The following SLC3A1 variants were observed in gnomAD, a reference collection of about 807,000 sequenced individuals.
SLC3A1 encodes solute carrier family 3 member 1, also known as amino acid transporter heavy chain SLC3A1.
SLC3A1 carries 78 observed loss-of-function variants against 60.3 expected under a neutral mutation model. The ratio of observed to expected loss-of-function variants is 1.29; its 90% CI spans 1.08 to 1.56. The LOEUF (loss-of-function observed/expected upper bound fraction) is 1.56, where lower values mean the gene tolerates loss of function less well. SLC3A1 is among the 40% of genes most tolerant of loss of function. SLC3A1 has a pLI of 0.00. For missense variants in SLC3A1, 1,172 were observed against 858.9 expected (o/e 1.36, Z -4.56); for synonymous variants, 392 against 307.9 (o/e 1.27, Z -2.86).
At position 44,275,783 on chromosome 2, in the gene SLC3A1, G is replaced by A. The variant is rs375663080; in HGVS notation, c.248G>A (p.Arg83His). Residue 83 changes from arginine (R) to histidine (H), a missense_variant, in exon 1 of 10, where the codon CGC becomes CAC. Coordinates refer to ENST00000260649, the MANE Select transcript of SLC3A1 (RefSeq NM_000341.4). Reference sequence around the variant, plus strand: ...CAGTTCTCTGGCCAGGCCCGCTACCGCATACCTCGGGAGATCCTCTTCTGG... The same window carrying A: ...CAGTTCTCTGGCCAGGCCCGCTACCACATACCTCGGGAGATCCTCTTCTGG... ...LFQFSGQARY[R>H]IPREILFWLT... 14 of 1,614,112 alleles carry A rather than the reference G, an allele frequency of 8.7e-6. No homozygotes were observed. Among genetic ancestry groups the A allele is most frequent in the African/African-American group, 2.7e-5 (2 of 74,944 alleles).
At chr2:44,302,489 T>C (rs575845083) in intron 6 of SLC3A1, among the ~76,000 whole-genome samples, 1 of 152,248 alleles carries the variant, frequency 6.6e-6, no homozygotes, top group African/African-American at 2.4e-5. Context: ...ACAAGGAAAC[T>C]GAGGCTCTGA....
chr2:44,285,461 C>A (rs565243346), intron 3 of SLC3A1: 1 of 340,438 alleles, frequency 2.9e-6, no homozygotes, highest in South Asian at 2.4e-5. Flanking sequence ...TACCATGGGG[C>A]CATAAATGTG....
At chr2:44,305,958 A>G (rs1407643930) in intron 7 of SLC3A1, among the ~76,000 whole-genome samples, 1 of 152,040 alleles carries the variant, frequency 6.6e-6, no homozygotes, top group African/African-American at 2.4e-5. Context: ...AGTCCACACA[A>G]TTCCACGATG....
rs541948214 is a variant in SLC3A1, at chr2:44,281,556, G to A, written c.765+15G>A. ...CCAACAACTGGGTAAGTATCAACCT[G>A]TCTGACTTACAAAGGGGTAAAAGGC... On this transcript the variant is annotated intron_variant, in intron 3 of 9. Transcript: ENST00000260649. 729 of 1,613,414 alleles carry A rather than the reference G, an allele frequency of 4.5e-4. 4 individuals carry two copies. The South Asian group carries it at 7.1e-3, about 16-fold the overall frequency.
chr2:44,294,441 G>T (rs1426142090), intron 4 of SLC3A1, among the ~76,000 whole-genome samples: 4 of 150,740 alleles, frequency 2.7e-5, no homozygotes, highest in East Asian at 2.0e-4. Context: ...GGAGGCAAAG[G>T]TTGCAGAGCT....
intron 4 of SLC3A1, among the ~76,000 whole-genome samples, chr2:44,290,486 G>A (rs1300204016): frequency 2.0e-5 from 3 of 152,178 alleles, no homozygotes; most frequent in African/African-American, 7.2e-5. Flanking sequence ...GGTTTTGATA[G>A]GGATTGCATT....
chr2:44,289,079 C>T (rs766940392), intron 4 of SLC3A1, among the ~76,000 whole-genome samples: 26 of 151,998 alleles, frequency 1.7e-4, no homozygotes, highest in Non-Finnish European at 3.2e-4. Flanking sequence ...AAGCAATCCT[C>T]CCTCCTTGGC....
intron 7 of SLC3A1, among the ~76,000 whole-genome samples, chr2:44,307,278 C>T (rs6716849): frequency 0.83 from 125,653 of 152,184 alleles, 52,848 homozygotes; most frequent in African/African-American, 0.9. Context: ...TGGACTATTA[C>T]GAATAGTGAT....
Position 44,275,814 on chromosome 2 carries a change from A to G in SLC3A1, c.279A>G (p.Thr93=), listed in dbSNP as rs1671329865. ...CTCGGGAGATCCTCTTCTGGCTCAC[A>G]GTGGCTTCTGTGCTGGTGCTCATCG... ...RIPREILFWL[T]VASVLVLIAA... Residue 93 remains threonine (T), a synonymous_variant, in exon 1 of 10, where the codon ACA becomes ACG. Coordinates refer to ENST00000260649, the MANE Select transcript of SLC3A1 (RefSeq NM_000341.4). 6.2e-7 allele frequency: 1 copy of G among 1,614,242 alleles called. No homozygotes were observed. Among genetic ancestry groups the G allele is most frequent in the African/African-American group, 1.3e-5 (1 of 75,060 alleles).
chr2:44,278,353 C>T (rs567950276), intron 1 of SLC3A1, among the ~76,000 whole-genome samples: 2 of 152,128 alleles, frequency 1.3e-5, no homozygotes, highest in South Asian at 2.1e-4. Context: ...GTGGCTGAGG[C>T]AGGAGAATGG....
At chr2:44,321,907 G>T, downstream of SLC3A1, 4 of 1,611,382 alleles carry the variant, frequency 2.5e-6, no homozygotes, top group Non-Finnish European at 2.5e-6. Context: ...TAGCCTGGAA[G>T]AGTTAACATG....
downstream of SLC3A1, chr2:44,321,859 C>T (rs1672990329): frequency 1.9e-6 from 3 of 1,613,668 alleles, no homozygotes; most frequent in Non-Finnish European, 2.5e-6. Context: ...ACATGATTGC[C>T]TCCAGGCTGA....
At chr2:44,285,979 T>G (rs1376178240) in intron 3 of SLC3A1, 53 bp from the exon 4 acceptor site, 1 of 1,608,280 alleles carries the variant, frequency 6.2e-7, no homozygotes, top group East Asian at 2.2e-5. Flanking sequence ...TGATCTTTAT[T>G]TGTGGGCAAT....
chr2:44,303,936 T>C (rs954663846), intron 6 of SLC3A1: 18 of 645,738 alleles, frequency 2.8e-5, no homozygotes, highest in Non-Finnish European at 4.8e-5. Flanking sequence ...CTGCATAGTA[T>C]TCCATGGTGT....
rs370110265 is a variant in SLC3A1, at chr2:44,305,920, A to G, written c.1332+1582A>G. ...GTGTCAGGTCTACCTATTGTATACT[A>G]TAGCACCCGTTCATTCTCTTTCCTT... On this transcript the variant is annotated intron_variant, in intron 7 of 9. Coordinates refer to ENST00000260649, the MANE Select transcript of SLC3A1 (RefSeq NM_000341.4). 1.1e-4 allele frequency among the ~76,000 whole-genome samples: 17 copies of G among 152,210 alleles called. No individual in the cohort carries two copies. The South Asian group carries it at 2.3e-3, about 20-fold the overall frequency.
chr2:44,313,822 TC>T lies in SLC3A1; in HGVS notation c.1501-12del. ...CCAAACCACTGTTTTCCCTTTCTGGTCTTTTGACATAGAATACCCTTCGCTC... is the reference window on the plus strand; with the variant it reads ...CCAAACCACTGTTTTCCCTTTCTGGTTTTTGACATAGAATACCCTTCGCTC... On this transcript the variant is annotated splice_polypyrimidine_tract_variant and intron_variant, in intron 8 of 9. Coordinates refer to ENST00000260649, the MANE Select transcript of SLC3A1 (RefSeq NM_000341.4). The T allele has an allele frequency of 6.3e-7, 1 of 1,595,458 alleles. No homozygotes were observed. The highest frequency in any genetic ancestry group is 8.6e-7 in the Non-Finnish European group (1 of 1,162,928).
At chr2:44,293,481 C>T (rs1329452723) in intron 4 of SLC3A1, among the ~76,000 whole-genome samples, 2 of 151,806 alleles carry the variant, frequency 1.3e-5, no homozygotes, top group Admixed American at 6.6e-5. Flanking sequence ...CATGCCACTG[C>T]ACTCCAGCCT....
At chr2:44,320,145 T>A in intron 9 of SLC3A1, 54 bp from the exon 10 acceptor site, 1 of 1,459,106 alleles carries the variant, frequency 6.9e-7, no homozygotes, top group Non-Finnish European at 9.5e-7. Context: ...TAAAAATACT[T>A]ACAAACAATT....
At chr2:44,294,812 C>A (rs555369034) in intron 4 of SLC3A1, among the ~76,000 whole-genome samples, 1 of 152,300 alleles carries the variant, frequency 6.6e-6, no homozygotes, top group South Asian at 2.1e-4. Flanking sequence ...CCAGTTTCCT[C>A]TGTACTCTGA....
Sources: gnomAD v4.1 joint callset for allele counts (sites outside exome capture counted in the v4.1 genomes callset) on GRCh38, gnomAD v4.1.1 for gene constraint, MANE v1.5 for transcripts, NCBI Gene and HGNC (gene_info 2026-07-23, HGNC 2026-07-21) for gene names.